The following RPAP2 variants were observed in gnomAD, a reference collection of about 807,000 sequenced individuals.
RPAP2 encodes RNA polymerase II associated protein 2.
RPAP2 carries 52 observed loss-of-function variants against 73.1 expected under a neutral mutation model. That is an observed-to-expected ratio of 0.71 (90% CI 0.57 to 0.90). RPAP2 has a LOEUF of 0.90. Among genes scored for constraint, RPAP2 ranks in the 40% least tolerant of loss-of-function variants. RPAP2 has a pLI of 0.00. For missense variants in RPAP2, 598 were observed against 701.8 expected, an observed-to-expected ratio of 0.85 and a Z score of 1.67; for synonymous variants, 225 against 242.1, an observed-to-expected ratio of 0.93 and a Z score of 0.65.
chr1:92,348,358 C>A (rs1343549844), intron 11 of RPAP2, among the ~76,000 whole-genome samples: 1 of 152,172 alleles, frequency 6.6e-6, no homozygotes, highest in South Asian at 2.1e-4. Context: ...TAGGGGAAAC[C>A]CTTTTAGCTT....
intron 12 of RPAP2, among the ~76,000 whole-genome samples, chr1:92,384,624 A>G (rs1014588148): frequency 2.2e-5 from 3 of 134,626 alleles, no homozygotes; most frequent in Non-Finnish European, 4.7e-5. Context: ...ACTCCATCTC[A>G]AAAAAAAAAA....
At chr1:92,302,592 T>A (rs988853212) in intron 3 of RPAP2, among the ~76,000 whole-genome samples, 1 of 92,274 alleles carries the variant, frequency 1.1e-5, no homozygotes, top group African/African-American at 5.6e-5. Context: ...CGCATTAAAT[T>A]TTTTTTTTTT....
chr1:92,347,472 A>G (rs541100193), intron 11 of RPAP2, among the ~76,000 whole-genome samples: 1 of 152,206 alleles, frequency 6.6e-6, no homozygotes, highest in Non-Finnish European at 1.5e-5. Context: ...TAGGCTCAGC[A>G]CTAATCTCAG....
chr1:92,339,744 A>G (rs1653499715), intron 10 of RPAP2, among the ~76,000 whole-genome samples: 1 of 152,266 alleles, frequency 6.6e-6, no homozygotes, highest in South Asian at 2.1e-4. Flanking sequence ...AGCCGGGCAC[A>G]GTGGCTCATG....
At chr1:92,303,177 T>C (rs1650982290) in intron 3 of RPAP2, among the ~76,000 whole-genome samples, 1 of 152,202 alleles carries the variant, frequency 6.6e-6, no homozygotes, top group Admixed American at 6.5e-5. Flanking sequence ...CTTAGTGTAG[T>C]TGATAGATCT....
chr1:92,348,850 T>C (rs1654052655), intron 11 of RPAP2, among the ~76,000 whole-genome samples: 1 of 152,228 alleles, frequency 6.6e-6, no homozygotes, highest in Non-Finnish European at 1.5e-5. Flanking sequence ...GTTTTCACAA[T>C]TACATTTTAG....
At chr1:92,319,632 C>G (rs1652129171) in intron 6 of RPAP2, among the ~76,000 whole-genome samples, 1 of 152,112 alleles carries the variant, frequency 6.6e-6, no homozygotes, top group Non-Finnish European at 1.5e-5. Context: ...TAAAGGAAAT[C>G]CAACAATTAT....
chr1:92,304,352 G>A lies in RPAP2; in HGVS notation c.399+3G>A, dbSNP rs749018202. 4.7e-6 allele frequency: 7 copies of A among 1,480,464 alleles called. No individual in the cohort carries two copies. The African/African-American group carries it at 9.9e-5, about 21-fold the overall frequency. The allele number at this position is 1,480,464 out of a possible 1,614,324, so 91.7% of individuals were successfully genotyped here. A position where few individuals can be genotyped will look rare whatever the true frequency, so the allele number is the denominator to read the frequency against. ...TCTATGATATTACTGAAAGAAAGGTGAGTTTAAAGGCTTTCATTGTGGCAA... is the reference window on the plus strand; with the variant it reads ...TCTATGATATTACTGAAAGAAAGGTAAGTTTAAAGGCTTTCATTGTGGCAA... On this transcript the variant is annotated splice_donor_region_variant and intron_variant, in intron 5 of 12. Coordinates refer to ENST00000610020, the MANE Select transcript of RPAP2 (RefSeq NM_024813.3).
At chr1:92,377,242 C>T (rs1490315659) in intron 11 of RPAP2, among the ~76,000 whole-genome samples, 10 of 151,858 alleles carry the variant, frequency 6.6e-5, no homozygotes, top group Admixed American at 3.3e-4. Flanking sequence ...TTGTGTAGGC[C>T]GGGCGCGGTG....
At chr1:92,331,034 A>T (rs942909316) in intron 8 of RPAP2, among the ~76,000 whole-genome samples, 2 of 152,188 alleles carry the variant, frequency 1.3e-5, no homozygotes, top group Admixed American at 1.3e-4. Flanking sequence ...TGCTCATTCC[A>T]TCAGTCACTG....
intron 11 of RPAP2, among the ~76,000 whole-genome samples, chr1:92,361,092 A>T (rs1237817445): frequency 1.7e-5 from 2 of 120,084 alleles, no homozygotes; most frequent in Admixed American, 1.0e-4. Context: ...ATATATATAT[A>T]ATATATATAT....
chr1:92,362,607 G>A (rs1369005608), intron 11 of RPAP2, among the ~76,000 whole-genome samples: 2 of 152,150 alleles, frequency 1.3e-5, no homozygotes, highest in Non-Finnish European at 1.5e-5. Flanking sequence ...TCCGAGTGCA[G>A]CAAAAGCACT....
intron 6 of RPAP2, among the ~76,000 whole-genome samples, chr1:92,317,061 TG>T (rs1403666889): frequency 2.0e-5 from 3 of 152,206 alleles, no homozygotes; most frequent in Non-Finnish European, 4.4e-5. Flanking sequence ...GTGGTATCCT[TG>T]CAACTTTTTT....
chr1:92,366,937 ACTTGTT>A (rs1654959623), intron 11 of RPAP2, among the ~76,000 whole-genome samples: 1 of 152,188 alleles, frequency 6.6e-6, no homozygotes, highest in African/African-American at 2.4e-5. Flanking sequence ...ATCATTTACC[ACTTGTT>A]CTTGTAGAAA....
At chr1:92,356,566 G>C (rs976361477) in intron 11 of RPAP2, among the ~76,000 whole-genome samples, 1 of 146,578 alleles carries the variant, frequency 6.8e-6, no homozygotes, top group Non-Finnish European at 1.5e-5. Flanking sequence ...TTATAGGTGT[G>C]TGTCACCACT....
At chr1:92,312,441 C>T (rs753308647) in intron 6 of RPAP2, among the ~76,000 whole-genome samples, 4 of 151,598 alleles carry the variant, frequency 2.6e-5, no homozygotes, top group Admixed American at 6.6e-5. Context: ...AAATTGAAGT[C>T]AGTCCTCTCA....
At chr1:92,300,722 G>T in intron 2 of RPAP2, among the ~76,000 whole-genome samples, 1 of 152,134 alleles carries the variant, frequency 6.6e-6, no homozygotes, top group Non-Finnish European at 1.5e-5. Context: ...AGCATATGTA[G>T]CTATGATTTT....
chr1:92,364,497 A>T (rs931415638), intron 11 of RPAP2, among the ~76,000 whole-genome samples: 8 of 151,432 alleles, frequency 5.3e-5, no homozygotes, highest in African/African-American at 1.2e-4. Flanking sequence ...CGTAGACCAA[A>T]TTTTTTTTTA....
At chr1:92,313,266 T>C (rs943618882) in intron 6 of RPAP2, among the ~76,000 whole-genome samples, 23 of 152,218 alleles carry the variant, frequency 1.5e-4, no homozygotes, top group African/African-American at 5.3e-4. Flanking sequence ...ATGGCAACTA[T>C]ACCTTTAGGA....
Sources: allele counts gnomAD v4.1 joint callset (sites outside exome capture counted in the v4.1 genomes callset), GRCh38; gene constraint gnomAD v4.1.1; transcripts MANE v1.5; gene names NCBI Gene and HGNC (gene_info 2026-07-23, HGNC 2026-07-21).